Variants in RREB1 observed in about 807,000 individuals in gnomAD.
RREB1 encodes the protein ras-responsive element-binding protein 1.
A neutral mutation model predicts 117.8 loss-of-function variants in RREB1; 27 were observed. That is an observed-to-expected ratio of 0.23 (90% CI 0.17 to 0.32). The LOEUF (loss-of-function observed/expected upper bound fraction) is 0.32, where lower values mean the gene tolerates loss of function less well. Ranked by LOEUF, RREB1 falls within the 10% of genes least tolerant of loss-of-function variation. RREB1 has a pLI of 1.00. For missense variants in RREB1, 2,577 were observed against 2,378.2 expected (o/e 1.08, Z -1.74); for synonymous variants, 1,298 against 1,026.7 (o/e 1.26, Z -5.05).
At chr6:7,215,490 G>A (rs1286767549) in intron 8 of RREB1, 2 of 152,044 alleles carry the variant, frequency 1.3e-5, no homozygotes, top group South Asian at 2.1e-4. Flanking sequence ...GGCATGTGCC[G>A]TCACATGCAG....
chr6:7,238,834 T>G (rs1025922537), intron 10 of RREB1, among the ~76,000 whole-genome samples: 1 of 152,224 alleles, frequency 6.6e-6, no homozygotes, highest in African/African-American at 2.4e-5. Context: ...TGAGGAGATT[T>G]GTAAGCATCA....
At chr6:7,212,611 A>G (rs1304412039) in intron 8 of RREB1, 1 of 152,162 alleles carries the variant, frequency 6.6e-6, no homozygotes, top group Non-Finnish European at 1.5e-5. Flanking sequence ...CCTGGAAGTC[A>G]CACACAGCTG....
At chr6:7,153,392 C>A (rs9502553) in intron 1 of RREB1, among the ~76,000 whole-genome samples, 11,604 of 143,992 alleles carry the variant, frequency 0.081, 569 homozygotes, top group African/African-American at 0.14. Context: ...CAATTAAAGT[C>A]AAGGGATTCC....
chr6:7,108,934 G>T (rs981859802), intron 1 of RREB1, among the ~76,000 whole-genome samples: 8 of 151,626 alleles, frequency 5.3e-5, no homozygotes, highest in Non-Finnish European at 1.0e-4. Flanking sequence ...GGCCCTAGCC[G>T]TGCGGGCACG....
At chr6:7,234,002 C>T (rs1210288107) in intron 10 of RREB1, among the ~76,000 whole-genome samples, 2 of 151,898 alleles carry the variant, frequency 1.3e-5, no homozygotes, top group African/African-American at 2.4e-5. Context: ...TGTGGTGGGT[C>T]CTTGAATCCA....
intron 1 of RREB1, among the ~76,000 whole-genome samples, chr6:7,108,469 G>A (rs1470521458): frequency 1.3e-5 from 2 of 151,970 alleles, no homozygotes; most frequent in Non-Finnish European, 2.9e-5. Context: ...GCAGGAATCC[G>A]GCCCGACCCG....
intron 6 of RREB1, among the ~76,000 whole-genome samples, chr6:7,196,052 T>G (rs1053068204): frequency 1.7e-4 from 26 of 152,054 alleles, no homozygotes; most frequent in African/African-American, 6.3e-4. Context: ...CCCTTCCCCC[T>G]CCTCCTGCTC....
chr6:7,249,066 A>T lies in RREB1; in HGVS notation c.*98A>T, dbSNP rs1769288229. On this transcript the variant is annotated 3_prime_UTR_variant, in exon 13 of 13. Transcript: ENST00000379938. ...TGCCCTTTGGCTGTTGAGGAGTGAG[A>T]GAGAGAGAGAGAGAGAGAGAGAGAG... 9 of 25,440 alleles carry T rather than the reference A, an allele frequency of 3.5e-4. No individual in the cohort carries two copies. Among genetic ancestry groups the T allele is most frequent in the Non-Finnish European group, 6.4e-4 (9 of 14,010 alleles). The allele number at this position is 25,440 out of a possible 1,614,324, so 1.6% of individuals were successfully genotyped here. A position where few individuals can be genotyped will look rare whatever the true frequency, so the allele number is the denominator to read the frequency against.
chr6:7,181,743 A>G, intron 3 of RREB1, 127 bp from the exon 4 acceptor site: 1 of 753,236 alleles, frequency 1.3e-6, no homozygotes, highest in Non-Finnish European at 2.3e-6. Flanking sequence ...GTGGCCTTTA[A>G]CTGGAGAAAG....
At chr6:7,156,140 CTT>C (rs1038930594) in intron 1 of RREB1, among the ~76,000 whole-genome samples, 1 of 152,208 alleles carries the variant, frequency 6.6e-6, no homozygotes, top group Non-Finnish European at 1.5e-5. Context: ...AGAGTCTAGA[CTT>C]TTCGTTTGAG....
intron 9 of RREB1, among the ~76,000 whole-genome samples, chr6:7,228,224 C>T (rs1767699899): frequency 6.6e-6 from 1 of 152,036 alleles, no homozygotes; most frequent in Non-Finnish European, 1.5e-5. Context: ...AGACATTCCT[C>T]ATAGACCCTC....
At chr6:7,169,825 A>G (rs569333326) in intron 1 of RREB1, among the ~76,000 whole-genome samples, 19 of 152,312 alleles carry the variant, frequency 1.2e-4, no homozygotes, top group Non-Finnish European at 1.9e-4. Context: ...GGATGGTTTT[A>G]TCTGGCATTG....
intron 8 of RREB1, chr6:7,219,061 A>C (rs962893226): frequency 7.6e-6 from 1 of 131,146 alleles, no homozygotes; most frequent in Non-Finnish European, 1.5e-5. Context: ...CCGTCTGGCC[A>C]ACACGGCGAA....
At chr6:7,130,629 T>C (rs1561733586) in intron 1 of RREB1, among the ~76,000 whole-genome samples, 1 of 152,028 alleles carries the variant, frequency 6.6e-6, no homozygotes, top group Non-Finnish European at 1.5e-5. Flanking sequence ...TCTTTTTTTT[T>C]TTTTCGAGAT....
intron 1 of RREB1, among the ~76,000 whole-genome samples, chr6:7,133,795 G>T (rs1229463173): frequency 6.6e-6 from 1 of 152,086 alleles, no homozygotes; most frequent in African/African-American, 2.4e-5. Context: ...AAGTAAAATT[G>T]TTTATGCCCA....
chr6:7,154,298 A>G (rs773086643), intron 1 of RREB1, among the ~76,000 whole-genome samples: 5 of 152,208 alleles, frequency 3.3e-5, no homozygotes, highest in Non-Finnish European at 7.3e-5. Flanking sequence ...GCCCCACTCC[A>G]GCCCTGCTGA....
At chr6:7,239,577 A>AG (rs1768559615) in intron 10 of RREB1, among the ~76,000 whole-genome samples, 1 of 152,236 alleles carries the variant, frequency 6.6e-6, no homozygotes. Flanking sequence ...CCAAAGCAGG[A>AG]GGGGACTGTG....
chr6:7,172,011 T>G (rs1764236332), intron 1 of RREB1, among the ~76,000 whole-genome samples: 2 of 151,632 alleles, frequency 1.3e-5, no homozygotes, highest in Admixed American at 1.3e-4. Context: ...AGTGACGTCA[T>G]GCTAGCTCAG....
chr6:7,243,127 AC>A (rs1405994973), intron 11 of RREB1, among the ~76,000 whole-genome samples: 1 of 152,212 alleles, frequency 6.6e-6, no homozygotes, highest in Non-Finnish European at 1.5e-5. Context: ...GTCAGCATGG[AC>A]TACACCTCAG....
Sources: allele counts gnomAD v4.1 joint callset (sites outside exome capture counted in the v4.1 genomes callset), GRCh38; gene constraint gnomAD v4.1.1; transcripts MANE v1.5; gene names NCBI Gene and HGNC (gene_info 2026-07-23, HGNC 2026-07-21).